UCHL5: variants seen among roughly 807,000 people sequenced by gnomAD.
UCHL5 encodes the protein ubiquitin C-terminal hydrolase L5.
A neutral mutation model predicts 53.8 loss-of-function variants in UCHL5; 34 were observed. That is an observed-to-expected ratio of 0.63 (90% CI 0.48 to 0.84). The LOEUF (loss-of-function observed/expected upper bound fraction) is 0.84, where lower values mean the gene tolerates loss of function less well. Ranked by LOEUF, UCHL5 falls within the 40% of genes least tolerant of loss-of-function variation. The pLI, the probability that UCHL5 is intolerant of heterozygous loss-of-function variation, is 0.00. For synonymous variants in UCHL5, 111 were observed against 126.3 expected (o/e 0.88, Z 0.81); for missense variants, 290 against 385.6 (o/e 0.75, Z 2.08).
chr1:193,040,172 T>C (rs1243420447), intron 3 of UCHL5, among the ~76,000 whole-genome samples: 1 of 152,124 alleles, frequency 6.6e-6, no homozygotes, highest in Non-Finnish European at 1.5e-5. Flanking sequence ...AAGAAGCTTC[T>C]GCATAACAAA....
At chr1:193,018,721 T>C (rs1655761985) in intron 10 of UCHL5, 2 of 1,405,222 alleles carry the variant, frequency 1.4e-6, no homozygotes, top group Non-Finnish European at 1.9e-6. Context: ...TCTCATCCTG[T>C]AGAATCTCAG....
chr1:193,020,480 T>A lies in UCHL5; in HGVS notation c.942+617A>T, dbSNP rs760656704. On this transcript the variant is annotated intron_variant, in intron 10 of 10. Transcript: ENST00000367454. ...ATCTGGGGAGGGGCCAGGTAACATG[T>A]ATTTTAAAGAGTATCCACTGATGTT... 175 of 1,522,292 alleles carry A rather than the reference T, an allele frequency of 1.1e-4. 1 individual carries two copies. The highest frequency in any genetic ancestry group is 2.1e-5 in the Admixed American group (1 of 47,932). 94.3% of individuals were successfully genotyped at this position (1,522,292 alleles called of 1,614,324 possible).
At chr1:193,033,908 T>C (rs1558073304) in intron 3 of UCHL5, among the ~76,000 whole-genome samples, 1 of 152,078 alleles carries the variant, frequency 6.6e-6, no homozygotes, top group Non-Finnish European at 1.5e-5. Context: ...AAAGAACAAA[T>C]TAAGATGTTT....
In UCHL5 at chr1:193,015,847, A is replaced by AGAG. The variant is rs1654815964; in HGVS notation, c.*503_*504insCTC. The AGAG allele has an allele frequency of 6.6e-6, 1 of 152,234 alleles. No homozygotes were observed. Among genetic ancestry groups the AGAG allele is most frequent in the Non-Finnish European group, 1.5e-5 (1 of 68,074 alleles). The allele number at this position is 152,234 out of a possible 1,614,324, so 9.4% of individuals were successfully genotyped here. On this transcript the variant is annotated 3_prime_UTR_variant, in exon 11 of 11. Coordinates refer to ENST00000367454, the MANE Select transcript of UCHL5 (RefSeq NM_001199261.3). ...ATTATACTTTTGTCCTTTTTAAATG[A>AGAG]TTTACATTAAAATCATACTTTCTCA...
chr1:193,037,026 C>T (rs1041579637), intron 3 of UCHL5, among the ~76,000 whole-genome samples: 14 of 151,328 alleles, frequency 9.3e-5, no homozygotes, highest in East Asian at 1.9e-4. Flanking sequence ...AAATTCATAG[C>T]GAAAATATCA....
At chr1:193,018,979 C>T (rs1655893000) in intron 10 of UCHL5, among the ~76,000 whole-genome samples, 1 of 151,504 alleles carries the variant, frequency 6.6e-6, no homozygotes, top group African/African-American at 2.4e-5. Context: ...AGTTTTTCAA[C>T]ACGCTTTATT....
intron 10 of UCHL5, chr1:193,020,356 A>G (rs993326513): frequency 7.4e-5 from 115 of 1,548,230 alleles, no homozygotes; most frequent in Non-Finnish European, 8.6e-5. Context: ...TTTGCCTAGT[A>G]GTGTCTTCTC....
chr1:193,028,966 G>A (rs1388389136), intron 6 of UCHL5, among the ~76,000 whole-genome samples: 1 of 151,956 alleles, frequency 6.6e-6, no homozygotes, highest in African/African-American at 2.4e-5. Flanking sequence ...AATTTTACTT[G>A]GGAAAAACTC....
Position 193,018,668 on chromosome 1 carries a change from A to G in UCHL5, c.943-2273T>C, listed in dbSNP as rs183822855. On this transcript the variant is annotated intron_variant, in intron 10 of 10. Transcript: ENST00000367454. Reference sequence around the variant, plus strand: ...AAAAGATTTTAGGTCAAATACTTTTATGTCATCACAGATTATAGGCAACTG... The same window carrying G: ...AAAAGATTTTAGGTCAAATACTTTTGTGTCATCACAGATTATAGGCAACTG... 20 of 1,275,302 alleles carry G rather than the reference A, an allele frequency of 1.6e-5. No homozygotes were observed. The East Asian group carries it at 5.8e-4, about 37-fold the overall frequency. 79.0% of individuals were successfully genotyped at this position (1,275,302 alleles called of 1,614,324 possible). A position where few individuals can be genotyped will look rare whatever the true frequency, so the allele number is the denominator to read the frequency against.
intron 3 of UCHL5, among the ~76,000 whole-genome samples, chr1:193,046,205 A>AT (rs1461883857): frequency 2.0e-5 from 3 of 151,112 alleles, no homozygotes; most frequent in East Asian, 3.9e-4. Context: ...CTAACTTTTT[A>AT]TTTTTTTTAG....
chr1:193,056,067 C>T (rs141574833), intron 1 of UCHL5, among the ~76,000 whole-genome samples: 1,850 of 152,260 alleles, frequency 0.012, 19 homozygotes, highest in South Asian at 0.034. Context: ...CTTTAATAAA[C>T]ACAGGGCATA....
In UCHL5 at chr1:193,059,044, T is replaced by C. The variant is rs1212546687; in HGVS notation, c.76+141A>G. Reference sequence around the variant, plus strand: ...CGAGCTGAGGAGAGGGCAGAACATCTACATTTCCCCCACCCGGACTCCAGG... The same window carrying C: ...CGAGCTGAGGAGAGGGCAGAACATCCACATTTCCCCCACCCGGACTCCAGG... On this transcript the variant is annotated intron_variant, in intron 1 of 10. Coordinates refer to ENST00000367454, the MANE Select transcript of UCHL5 (RefSeq NM_001199261.3). This position sits in a 1 kb window ranked among gnomAD's most constrained non-coding sequence, Gnocchi z 4.9. 8.6e-6 allele frequency: 7 copies of C among 814,260 alleles called. No individual in the cohort carries two copies. Among genetic ancestry groups the C allele is most frequent in the Admixed American group, 3.2e-5 (1 of 31,468 alleles). 50.4% of individuals were successfully genotyped at this position (814,260 alleles called of 1,614,324 possible).
intron 7 of UCHL5, chr1:193,027,825 T>G: frequency 8.9e-7 from 1 of 1,128,104 alleles, no homozygotes. Flanking sequence ...ATTAACCCAA[T>G]CAAAAGTAGA....
At chr1:193,029,058 T>C in intron 6 of UCHL5, 121 bp downstream of exon 6, 1 of 1,199,244 alleles carries the variant, frequency 8.3e-7, no homozygotes, top group Non-Finnish European at 1.2e-6. Context: ...AGGCCTTCAT[T>C]ATATTATGTT....
At chr1:193,019,304 TA>T (rs1198538647) in intron 10 of UCHL5, among the ~76,000 whole-genome samples, 3 of 151,586 alleles carry the variant, frequency 2.0e-5, no homozygotes, top group Non-Finnish European at 4.4e-5. Context: ...ATGAGTTGCT[TA>T]AGAGAAAATA....
intron 9 of UCHL5, among the ~76,000 whole-genome samples, chr1:193,022,474 A>G (rs1393724358): frequency 6.6e-6 from 1 of 152,132 alleles, no homozygotes; most frequent in Non-Finnish European, 1.5e-5. Context: ...AGCATGGCCA[A>G]CATGGCAAAA....
chr1:193,049,969 G>T, intron 2 of UCHL5, 118 bp from the exon 3 acceptor site: 1 of 866,664 alleles, frequency 1.2e-6, no homozygotes. Context: ...GTAAATATGG[G>T]AAATTTTTAA....
chr1:193,049,283 A>G (rs1202486082), intron 3 of UCHL5, among the ~76,000 whole-genome samples: 2 of 152,082 alleles, frequency 1.3e-5, no homozygotes, highest in African/African-American at 4.8e-5. Flanking sequence ...GTGTGGTGGT[A>G]TGTGCCTGTA....
chr1:193,041,784 C>T (rs1366532461), intron 3 of UCHL5, among the ~76,000 whole-genome samples: 7 of 152,052 alleles, frequency 4.6e-5, no homozygotes, highest in African/African-American at 1.7e-4. Flanking sequence ...AATAAATGAA[C>T]TATCATAATA....
Sources: allele counts gnomAD v4.1 joint callset (sites outside exome capture counted in the v4.1 genomes callset), GRCh38; gene constraint gnomAD v4.1.1; non-coding constraint Gnocchi (gnomAD v3.1); transcripts MANE v1.5; gene names NCBI Gene and HGNC (gene_info 2026-07-23, HGNC 2026-07-21).